ZNF326: variants seen among roughly 807,000 people sequenced by gnomAD.
The protein encoded by ZNF326 is zinc finger protein 326.
ZNF326 carries 30 observed loss-of-function variants against 63.1 expected under a neutral mutation model. The ratio of observed to expected loss-of-function variants is 0.48; its 90% confidence interval spans 0.36 to 0.64. The LOEUF is 0.64. ZNF326 is among the 30% of genes least tolerant of loss of function. The pLI, the probability that ZNF326 is intolerant of heterozygous loss-of-function variation, is 0.00. For synonymous variants in ZNF326, 194 were observed against 228.2 expected (o/e 0.85, Z 1.35); for missense variants, 609 against 720.3 (o/e 0.85, Z 1.77).
intron 2 of ZNF326, among the ~76,000 whole-genome samples, chr1:90,001,823 A>G (rs913471960): frequency 6.6e-6 from 1 of 151,970 alleles, no homozygotes; most frequent in African/African-American, 2.4e-5. Context: ...CTCCCAAAGG[A>G]TTGGGATTAC....
At chr1:90,004,173 T>TTA (rs1648842235) in intron 2 of ZNF326, among the ~76,000 whole-genome samples, 1 of 152,144 alleles carries the variant, frequency 6.6e-6, no homozygotes, top group East Asian at 1.9e-4. Context: ...AGACTTAATA[T>TTA]GCTTATTGTA....
intron 11 of ZNF326, among the ~76,000 whole-genome samples, chr1:90,024,599 T>C (rs1480645041): frequency 1.3e-5 from 2 of 152,098 alleles, no homozygotes; most frequent in East Asian, 1.9e-4. Flanking sequence ...CTCTCTTTGC[T>C]TCCCATATTC....
chr1:90,027,712 T>C lies in ZNF326; in HGVS notation c.*11T>C, dbSNP rs1650089748. ...CCTGAAGAAAATTAAATATAAGGTATTAGATTTAAAAGGAGCTTTACATTT... is the reference window on the plus strand; with the variant it reads ...CCTGAAGAAAATTAAATATAAGGTACTAGATTTAAAAGGAGCTTTACATTT... On this transcript the variant is annotated 3_prime_UTR_variant, in exon 12 of 12. Transcript: ENST00000340281. The C allele has an allele frequency of 6.2e-7, 1 of 1,612,418 alleles. No individual in the cohort carries two copies. The highest frequency in any genetic ancestry group is 1.1e-5 in the South Asian group (1 of 90,960).
chr1:90,013,413 T>TAAGAAAA (rs1422342155), intron 7 of ZNF326, among the ~76,000 whole-genome samples, 176 bp downstream of exon 7: 1 of 152,042 alleles, frequency 6.6e-6, no homozygotes, highest in Non-Finnish European at 1.5e-5. Flanking sequence ...TTAGAAAACA[T>TAAGAAAA]AAGAAAAAAG....
At chr1:90,005,546 T>G (rs1193882808) in intron 4 of ZNF326, 1 of 954,122 alleles carries the variant, frequency 1.0e-6, no homozygotes, top group Non-Finnish European at 1.3e-6. Flanking sequence ...AATCAAAGTA[T>G]CCTGAAAAAT....
At chr1:90,006,987 A>AAG (rs1458680203) in intron 4 of ZNF326, among the ~76,000 whole-genome samples, 1 of 152,264 alleles carries the variant, frequency 6.6e-6, no homozygotes, top group Non-Finnish European at 1.5e-5. Flanking sequence ...AGATTCAAAA[A>AAG]AGTTTGAATA....
chr1:90,000,957 TGTA>T (rs139868812), intron 2 of ZNF326, among the ~76,000 whole-genome samples: 1,840 of 152,150 alleles, frequency 0.012, 17 homozygotes, highest in South Asian at 0.021. Context: ...GGCCTGGTGT[TGTA>T]GTAGTGGAGT....
chr1:90,014,842 GACT>G (rs1649424129), intron 7 of ZNF326, among the ~76,000 whole-genome samples: 1 of 152,112 alleles, frequency 6.6e-6, no homozygotes. Context: ...GTGTAGAAAT[GACT>G]TTAAATTATC....
chr1:90,018,634 A>G (rs1212916152), intron 8 of ZNF326, 51 bp from the exon 9 acceptor site: 8 of 1,035,672 alleles, frequency 7.7e-6, no homozygotes, highest in Non-Finnish European at 1.0e-5. Flanking sequence ...TAAGCATTAT[A>G]CTTGAGTGCT....
At position 90,017,302 on chromosome 1, in the gene ZNF326, T is replaced by G. The variant is rs1371167446; in HGVS notation, c.927-15T>G. 3 of 1,554,232 alleles carry G rather than the reference T, an allele frequency of 1.9e-6. No homozygotes were observed. The East Asian group carries it at 6.9e-5, about 36-fold the overall frequency. On this transcript the variant is annotated splice_polypyrimidine_tract_variant and intron_variant, in intron 7 of 11. Coordinates refer to ENST00000340281, the MANE Select transcript of ZNF326 (RefSeq NM_182976.4). The stretch of plus-strand genomic sequence containing the variant: ...TAAAGTAATATTTAAAGGAAAACTT[T>G]TTTTTCTCTTACAGAATGGCATTTA...
chr1:90,001,035 G>T (rs1648649999), intron 2 of ZNF326, among the ~76,000 whole-genome samples: 1 of 152,134 alleles, frequency 6.6e-6, no homozygotes, highest in Non-Finnish European at 1.5e-5. Context: ...GTAGGGCAGG[G>T]TTTCTCAAAT....
chr1:90,013,152 G>A lies in ZNF326; in HGVS notation c.841G>A (p.Glu281Lys), dbSNP rs1395799048. The A allele has an allele frequency of 6.2e-7, 1 of 1,612,006 alleles. No homozygotes were observed. Among genetic ancestry groups the A allele is most frequent in the East Asian group, 2.2e-5 (1 of 44,814 alleles). ...PTKTDPKNEE[E>K]EKRRIEARRE... ...AAAAACTGATCCTAAAAATGAAGAG[G>A]AAGAAAAGCGGCGAATTGAGGCTCG... Residue 281 changes from glutamate (E) to lysine (K), a missense_variant, in exon 7 of 12, where the codon GAA (glutamate) becomes AAA (lysine). This residue lies in a region of ZNF326 where 399 missense variants were observed against 444.3 expected (regional missense o/e 0.90). Transcript: ENST00000340281.
At chr1:90,016,471 T>C (rs1399616499) in intron 7 of ZNF326, among the ~76,000 whole-genome samples, 1 of 151,994 alleles carries the variant, frequency 6.6e-6, no homozygotes, top group African/African-American at 2.4e-5. Context: ...ATCCCAGCAC[T>C]TTGGGAGGCC....
intron 10 of ZNF326, among the ~76,000 whole-genome samples, 159 bp from the exon 11 acceptor site, chr1:90,022,091 G>A (rs930098669): frequency 6.6e-6 from 1 of 152,138 alleles, no homozygotes; most frequent in South Asian, 2.1e-4. Flanking sequence ...TGAATTCATA[G>A]ATTTAGACTG....
At position 90,032,502 on chromosome 1, in the gene ZNF326, C is replaced by A. The variant is rs1277829198; in HGVS notation, c.*4801C>A. 1 of 151,910 alleles carries A rather than the reference C, an allele frequency of 6.6e-6. No homozygotes were observed. Among genetic ancestry groups the A allele is most frequent in the African/African-American group, 2.4e-5 (1 of 41,326 alleles). The allele number at this position is 151,910 out of a possible 1,614,324, so 9.4% of individuals were successfully genotyped here. Reference sequence around the variant, plus strand: ...TTCTATTAAAATTGTAGAGGAGATACAATAATACAAATTTCAGCAATAAGG... The same window carrying A: ...TTCTATTAAAATTGTAGAGGAGATAAAATAATACAAATTTCAGCAATAAGG... On this transcript the variant is annotated 3_prime_UTR_variant, in exon 12 of 12. Transcript: ENST00000340281.
Position 90,029,053 on chromosome 1 carries a change from C to T in ZNF326, c.*1352C>T, listed in dbSNP as rs1378403162. 2 of 152,122 alleles carry T rather than the reference C, an allele frequency of 1.3e-5. No homozygotes were observed. Among genetic ancestry groups the T allele is most frequent in the African/African-American group, 4.8e-5 (2 of 41,402 alleles). The allele number at this position is 152,122 out of a possible 1,614,324, so 9.4% of individuals were successfully genotyped here. A position where few individuals can be genotyped will look rare whatever the true frequency, so the allele number is the denominator to read the frequency against. ...TCCTGGGCTCAAGTGACCTGTCTGT[C>T]TTGGCCTCCCACAGTGCTGGGATTG... On this transcript the variant is annotated 3_prime_UTR_variant, in exon 12 of 12. Transcript: ENST00000340281.
At chr1:90,024,407 A>T (rs1329649) in intron 11 of ZNF326, among the ~76,000 whole-genome samples, 85,871 of 151,872 alleles carry the variant, frequency 0.57, 24,799 homozygotes, top group East Asian at 0.9. Context: ...TATTAGTTCT[A>T]GCTCTACGGT....
At position 90,006,209 on chromosome 1, in the gene ZNF326, G is replaced by A. The variant is rs12740926; in HGVS notation, c.209+965G>A. 5,154 of 985,334 alleles carry A rather than the reference G, an allele frequency of 5.2e-3. 36 individuals are homozygous for A. Among genetic ancestry groups the A allele is most frequent in the Non-Finnish European group, 5.3e-3 (4,368 of 829,836 alleles). 61.0% of individuals were successfully genotyped at this position (985,334 alleles called of 1,614,324 possible). A position where few individuals can be genotyped will look rare whatever the true frequency, so the allele number is the denominator to read the frequency against. On this transcript the variant is annotated intron_variant, in intron 4 of 11. Coordinates refer to ENST00000340281, the MANE Select transcript of ZNF326 (RefSeq NM_182976.4). The stretch of plus-strand genomic sequence containing the variant: ...CAACTATTTTGCTTATGTGATAGAT[G>A]TTTTGAAAAATGTAGTTGGAAATAG...
At position 90,022,313 on chromosome 1, in the gene ZNF326, A is replaced by G. The variant is rs906452176; in HGVS notation, c.1369A>G (p.Ile457Val). The stretch of plus-strand genomic sequence containing the variant: ...TGCTACAAGCATTTTAAATAATCCA[A>G]TAGTGAAGGCGCGATATGAACGTTT... ...LTATSILNNP[I>V]VKARYERFVK... Residue 457 changes from isoleucine to valine, a missense_variant, in exon 11 of 12, where the codon ATA becomes GTA. This residue lies in a region of ZNF326 where 399 missense variants were observed against 444.3 expected (regional missense o/e 0.90). Transcript: ENST00000340281. 8.1e-6 allele frequency: 13 copies of G among 1,613,224 alleles called. No individual in the cohort carries two copies. Among genetic ancestry groups the G allele is most frequent in the South Asian group, 2.2e-5 (2 of 90,990 alleles).
Sources: allele counts gnomAD v4.1 joint callset (sites outside exome capture counted in the v4.1 genomes callset), GRCh38; gene constraint gnomAD v4.1.1; regional missense constraint gnomAD v4.1.1; transcripts MANE v1.5; gene names NCBI Gene and HGNC (gene_info 2026-07-23, HGNC 2026-07-21).